The following ENOPH1 variants were observed in gnomAD, a reference collection of about 807,000 sequenced individuals.
The protein encoded by ENOPH1 is enolase-phosphatase E1.
A neutral mutation model predicts 31.1 loss-of-function variants in ENOPH1; 14 were observed. That is an observed-to-expected ratio of 0.45 (90% CI 0.30 to 0.70). The LOEUF (loss-of-function observed/expected upper bound fraction) is 0.70. Among genes scored for constraint, ENOPH1 ranks in the 30% least tolerant of loss-of-function variants. The pLI, the probability that ENOPH1 is intolerant of heterozygous loss-of-function variation, is 0.09. For missense variants in ENOPH1, 243 were observed against 321.5 expected, an observed-to-expected ratio of 0.76 and a Z score of 1.87; for synonymous variants, 127 against 123.2, an observed-to-expected ratio of 1.03 and a Z score of -0.21.
At chr4:82,437,865 G>A (rs1399742599) in intron 1 of ENOPH1, among the ~76,000 whole-genome samples, 2 of 152,088 alleles carry the variant, frequency 1.3e-5, no homozygotes, top group Non-Finnish European at 2.9e-5. Context: ...GGAGGGACTG[G>A]GATTCAGTTT....
intron 1 of ENOPH1, among the ~76,000 whole-genome samples, chr4:82,438,347 G>T (rs1008447697): frequency 6.6e-6 from 1 of 152,114 alleles, no homozygotes; most frequent in African/African-American, 2.4e-5. Context: ...TGAAAGATAT[G>T]TAGTCAGACT....
intron 3 of ENOPH1, among the ~76,000 whole-genome samples, chr4:82,453,027 G>A (rs574863758): frequency 3.1e-4 from 47 of 149,370 alleles, no homozygotes; most frequent in African/African-American, 1.1e-3. Context: ...TCAGCCTCCC[G>A]AGTAGCTGGG....
intron 2 of ENOPH1, 22 bp from the exon 3 acceptor site, chr4:82,451,021 T>C: frequency 1.3e-6 from 2 of 1,597,694 alleles, no homozygotes; most frequent in Non-Finnish European, 1.7e-6. Flanking sequence ...AAAACAAACA[T>C]CATGTTGTTT....
chr4:82,457,395 T>C (rs1722517660), intron 5 of ENOPH1, among the ~76,000 whole-genome samples: 1 of 152,104 alleles, frequency 6.6e-6, no homozygotes, highest in Non-Finnish European at 1.5e-5. Flanking sequence ...ACTCCTGTGG[T>C]CCCAGCTGCA....
chr4:82,450,995 T>C, intron 2 of ENOPH1, 48 bp from the exon 3 acceptor site: 1 of 1,556,900 alleles, frequency 6.4e-7, no homozygotes, highest in African/African-American at 1.4e-5. Flanking sequence ...TAAATGACTG[T>C]TTTTTGAATA....
chr4:82,436,903 A>G (rs997613681), intron 1 of ENOPH1, among the ~76,000 whole-genome samples: 8 of 151,972 alleles, frequency 5.3e-5, no homozygotes, highest in South Asian at 4.1e-4. Context: ...CATCGTCGTC[A>G]TCATCATCAT....
At chr4:82,445,454 TG>T (rs1722151317) in intron 1 of ENOPH1, among the ~76,000 whole-genome samples, 2 of 152,212 alleles carry the variant, frequency 1.3e-5, no homozygotes, top group African/African-American at 4.8e-5. Context: ...GTAAATCATT[TG>T]TTTTTTTGTT....
intron 5 of ENOPH1, 150 bp downstream of exon 5, chr4:82,457,188 C>A: frequency 4.1e-6 from 3 of 739,336 alleles, no homozygotes; most frequent in Non-Finnish European, 6.0e-6. Flanking sequence ...GTGTCTGGTT[C>A]AAGTTCATGT....
At chr4:82,456,203 A>C (rs1280992886) in intron 4 of ENOPH1, among the ~76,000 whole-genome samples, 1 of 139,490 alleles carries the variant, frequency 7.2e-6, no homozygotes, top group East Asian at 2.0e-4. Context: ...AAAAAAAAAA[A>C]ACTTAAAATT....
At chr4:82,450,935 T>C in intron 2 of ENOPH1, 108 bp from the exon 3 acceptor site, 1 of 801,516 alleles carries the variant, frequency 1.2e-6, no homozygotes, top group Admixed American at 2.2e-5. Context: ...GCAGCCATAC[T>C]AGGGCTAATG....
At chr4:82,442,943 G>A (rs1722078490) in intron 1 of ENOPH1, among the ~76,000 whole-genome samples, 2 of 152,156 alleles carry the variant, frequency 1.3e-5, no homozygotes, top group South Asian at 4.2e-4. Context: ...TCATGTCTGG[G>A]ATTACAGGCG....
chr4:82,441,284 A>G lies in ENOPH1; in HGVS notation c.85-6636A>G, dbSNP rs552519642. Among the ~76,000 whole-genome samples, 14 of 152,272 alleles carry G rather than the reference A, an allele frequency of 9.2e-5. No homozygotes were observed. The South Asian group carries it at 1.0e-3, about 11-fold the overall frequency. On this transcript the variant is annotated intron_variant, in intron 1 of 5. Transcript: ENST00000273920. ...AAGGAAGAGCAAAGGGATATTTTATATGGTGGCAGGCAAGAGGGCATGTTC... is the reference window on the plus strand; with the variant it reads ...AAGGAAGAGCAAAGGGATATTTTATGTGGTGGCAGGCAAGAGGGCATGTTC...
chr4:82,445,485 C>T (rs28723473), intron 1 of ENOPH1, among the ~76,000 whole-genome samples: 29,236 of 151,866 alleles, frequency 0.19, 4,048 homozygotes, highest in African/African-American at 0.4. Context: ...AGTAGGAGTC[C>T]CGCTTTGTTA....
In ENOPH1 at chr4:82,430,824, A is replaced by G; in HGVS notation, c.-6A>G. On this transcript the variant is annotated 5_prime_UTR_variant, in exon 1 of 6. Transcript: ENST00000273920. ...CAGGCCGAGTCCCGTAGCATCCGGT[A>G]GGGAAATGGTCGTGCTTTCGGTCCC... 1 of 1,613,850 alleles carries G rather than the reference A, an allele frequency of 6.2e-7. No homozygotes were observed. The highest frequency in any genetic ancestry group is 1.3e-5 in the African/African-American group (1 of 75,044).
intron 2 of ENOPH1, among the ~76,000 whole-genome samples, chr4:82,448,781 G>A (rs1024880868): frequency 3.3e-5 from 5 of 151,738 alleles, no homozygotes; most frequent in South Asian, 2.1e-4. Flanking sequence ...AAATTAGGCC[G>A]GGCGCGGTGG....
At chr4:82,459,256 T>G (rs1377062948) in intron 5 of ENOPH1, among the ~76,000 whole-genome samples, 1 of 152,118 alleles carries the variant, frequency 6.6e-6, no homozygotes, top group Non-Finnish European at 1.5e-5. Flanking sequence ...TTGGGCTGAT[T>G]AAACCATAGG....
chr4:82,457,349 A>T (rs1248165294), intron 5 of ENOPH1, among the ~76,000 whole-genome samples: 1 of 152,178 alleles, frequency 6.6e-6, no homozygotes, highest in Admixed American at 6.5e-5. Context: ...CTGTCTCTAC[A>T]GAAAAATTCA....
In ENOPH1 at chr4:82,456,961, G is replaced by A. The variant is rs1578104445; in HGVS notation, c.569G>A (p.Ser190Asn). 1.2e-6 allele frequency: 2 copies of A among 1,614,136 alleles called. No individual in the cohort carries two copies. The highest frequency in any genetic ancestry group is 1.7e-6 in the Non-Finnish European group (2 of 1,180,012). Residue 190 changes from serine (S) to asparagine (N), a missense_variant, in exon 5 of 6, where the codon AGT (serine) becomes AAT (asparagine). By Grantham distance (46) the Ser-to-Asn change is conservative. Transcript: ENST00000273920. The part of the protein sequence containing the change: ...FDTKIGHKVE[S>N]ESYRKIADSI... ...ACCAAGATTGGACACAAAGTAGAGA[G>A]TGAAAGTTACCGAAAGATTGCAGAC...
intron 1 of ENOPH1, 46 bp downstream of exon 1, chr4:82,430,959 G>T: frequency 6.4e-7 from 1 of 1,561,514 alleles, no homozygotes; most frequent in Non-Finnish European, 8.8e-7. Flanking sequence ...CTTAAAAACA[G>T]TTATTATTTT....
Sources: gnomAD v4.1 joint callset for allele counts (sites outside exome capture counted in the v4.1 genomes callset) on GRCh38, gnomAD v4.1.1 for gene constraint, MANE v1.5 for transcripts, NCBI Gene and HGNC (gene_info 2026-07-23, HGNC 2026-07-21) for gene names.